LYN: variants seen among roughly 807,000 people sequenced by gnomAD.
LYN encodes the protein tyrosine-protein kinase Lyn.
Under a neutral mutation model 65.0 loss-of-function variants are expected in LYN, and 12 were observed. The observed-to-expected ratio is 0.18, with a 90% CI of 0.12 to 0.30. The LOEUF is 0.30. Ranked by LOEUF, LYN falls within the 10% of genes least tolerant of loss-of-function variation. The pLI is 1.00. For synonymous variants in LYN, 222 were observed against 221.2 expected (o/e 1.00, Z -0.03); for missense variants, 380 against 623.2 (o/e 0.61, Z 4.16).
At chr8:55,907,636 G>A (rs7815650) in intron 1 of LYN, among the ~76,000 whole-genome samples, 103,861 of 151,742 alleles carry the variant, frequency 0.68, 35,668 homozygotes, top group East Asian at 0.95. Flanking sequence ...AGAGACCCAC[G>A]TGGAAGGATT....
chr8:55,971,148 A>G (rs1259612932), intron 10 of LYN, among the ~76,000 whole-genome samples: 1 of 152,232 alleles, frequency 6.6e-6, no homozygotes, highest in Non-Finnish European at 1.5e-5. Context: ...CTGAAATGCC[A>G]ACATCTAATA....
rs56094668 is a variant in LYN, at chr8:55,941,970, G to A, written c.111G>A (p.Thr37=). The A allele has an allele frequency of 6.2e-6, 10 of 1,613,408 alleles. No individual in the cohort carries two copies. The East Asian group carries it at 1.1e-4, about 18-fold the overall frequency. The change falls in exon 2 of 13, where the codon ACG becomes ACA. Residue 37 remains threonine (T), a synonymous_variant. Transcript: ENST00000519728. ...TERTIYVRDP[T]SNKQQRPVPE... ...GAACTATTTATGTGAGAGATCCAAC[G>A]TCCAATAAACAGCAAAGGCCAGTAA...
intron 11 of LYN, among the ~76,000 whole-genome samples, 176 bp from the exon 12 acceptor site, chr8:55,999,242 C>T (rs1808454125): frequency 6.6e-6 from 1 of 152,064 alleles, no homozygotes; most frequent in Admixed American, 6.6e-5. Context: ...TTATTTTGAA[C>T]CTGGGAGGTG....
At chr8:55,967,099 C>T (rs143866436) in intron 9 of LYN, among the ~76,000 whole-genome samples, 1 of 151,470 alleles carries the variant, frequency 6.6e-6, no homozygotes, top group East Asian at 1.9e-4. Flanking sequence ...ATCTAATCCT[C>T]CTGTTTTCTC....
At chr8:55,908,032 A>C (rs937704242) in intron 1 of LYN, among the ~76,000 whole-genome samples, 1 of 152,190 alleles carries the variant, frequency 6.6e-6, no homozygotes, top group Non-Finnish European at 1.5e-5. Flanking sequence ...AAACTCCAAC[A>C]GTTCTAATGA....
Position 55,906,781 on chromosome 8 carries a change from G to A in LYN, c.-6+26678G>A, listed in dbSNP as rs183897534. Among the ~76,000 whole-genome samples the A allele has an allele frequency of 3.3e-5, 5 of 152,132 alleles. No homozygotes were observed. The East Asian group carries it at 7.7e-4, about 23-fold the overall frequency. On this transcript the variant is annotated intron_variant, in intron 1 of 12. Coordinates refer to ENST00000519728, the MANE Select transcript of LYN (RefSeq NM_002350.4). Reference sequence around the variant, plus strand: ...AGAGAAATAAATGAAATGTATCCCAGTTGAACAACAGTTGAGCTGAGGTGT... The same window carrying A: ...AGAGAAATAAATGAAATGTATCCCAATTGAACAACAGTTGAGCTGAGGTGT...
chr8:55,936,981 C>A (rs1049107113), intron 1 of LYN, among the ~76,000 whole-genome samples: 2 of 151,164 alleles, frequency 1.3e-5, no homozygotes, highest in Non-Finnish European at 3.0e-5. Flanking sequence ...TTCTACCCCC[C>A]ACGTCTTTTG....
intron 12 of LYN, among the ~76,000 whole-genome samples, chr8:56,005,463 C>T (rs1808646357): frequency 6.6e-6 from 1 of 152,196 alleles, no homozygotes; most frequent in Non-Finnish European, 1.5e-5. Flanking sequence ...CGCTGGCCTC[C>T]CTCCCTCATG....
At chr8:55,928,394 C>T (rs1427786658) in intron 1 of LYN, among the ~76,000 whole-genome samples, 1 of 152,206 alleles carries the variant, frequency 6.6e-6, no homozygotes, top group African/African-American at 2.4e-5. Flanking sequence ...GATCCGCCGA[C>T]CTTGGCCTCC....
At chr8:55,908,910 C>T (rs1486760749) in intron 1 of LYN, among the ~76,000 whole-genome samples, 1 of 149,870 alleles carries the variant, frequency 6.7e-6, no homozygotes, top group Non-Finnish European at 1.5e-5. Context: ...CTGCAAAATA[C>T]ATAATTTTAT....
At chr8:55,884,620 T>C (rs572485395) in intron 1 of LYN, among the ~76,000 whole-genome samples, 3 of 151,812 alleles carry the variant, frequency 2.0e-5, no homozygotes, top group Admixed American at 1.3e-4. Flanking sequence ...CATGCCTGGC[T>C]AATTTTTGTA....
intron 10 of LYN, 121 bp from the exon 11 acceptor site, chr8:55,998,225 A>C (rs955980982): frequency 1.0e-4 from 68 of 672,366 alleles, no homozygotes; most frequent in Non-Finnish European, 1.5e-4. Context: ...TTAAAAGCTG[A>C]ATGATCAAAA....
At position 55,993,859 on chromosome 8, in the gene LYN, C is replaced by T. The variant is rs572749154; in HGVS notation, c.1051-4487C>T. Among the ~76,000 whole-genome samples, 119 of 152,344 alleles carry T rather than the reference C, an allele frequency of 7.8e-4. 2 individuals are homozygous for T. Among genetic ancestry groups the T allele is most frequent in the Non-Finnish European group, 1.3e-3 (87 of 68,034 alleles). On this transcript the variant is annotated intron_variant, in intron 10 of 12. Transcript: ENST00000519728. ...TCCTCTTCTCATCAAGCTTGACCAA[C>T]TCCATGTAACTCCCACAGAAGTCAA... is the stretch of plus-strand genomic sequence containing the variant.
intron 2 of LYN, among the ~76,000 whole-genome samples, chr8:55,944,262 A>G (rs529596573): frequency 6.6e-5 from 10 of 152,242 alleles, no homozygotes; most frequent in Non-Finnish European, 1.5e-4. Flanking sequence ...TTAAAAACCT[A>G]TTACAGGCAG....
chr8:55,885,297 G>A (rs758632671), intron 1 of LYN, among the ~76,000 whole-genome samples: 29 of 152,224 alleles, frequency 1.9e-4, no homozygotes, highest in Non-Finnish European at 3.5e-4. Context: ...ACACTGGGAA[G>A]AAGTCTTCAC....
intron 3 of LYN, among the ~76,000 whole-genome samples, chr8:55,946,721 A>G (rs1457470678): frequency 1.3e-5 from 2 of 152,066 alleles, no homozygotes; most frequent in African/African-American, 2.4e-5. Flanking sequence ...CTCAAACTCC[A>G]TACCCATTAA....
At chr8:55,922,981 T>C (rs1260159249) in intron 1 of LYN, among the ~76,000 whole-genome samples, 1 of 152,086 alleles carries the variant, frequency 6.6e-6, no homozygotes, top group South Asian at 2.1e-4. Context: ...ATCTGCTCCA[T>C]GCCTTTCCGA....
At chr8:55,979,422 T>A (rs1807855406) in intron 10 of LYN, among the ~76,000 whole-genome samples, 1 of 152,194 alleles carries the variant, frequency 6.6e-6, no homozygotes, top group Non-Finnish European at 1.5e-5. Context: ...CTTAAATTAT[T>A]GGTTTTTAAA....
At chr8:55,888,892 T>A (rs1163907568) in intron 1 of LYN, among the ~76,000 whole-genome samples, 1 of 152,208 alleles carries the variant, frequency 6.6e-6, no homozygotes, top group Non-Finnish European at 1.5e-5. Context: ...GTTGGTATAA[T>A]GAAATGCGGC....
Sources: gnomAD v4.1 joint callset for allele counts (sites outside exome capture counted in the v4.1 genomes callset) on GRCh38, gnomAD v4.1.1 for gene constraint, MANE v1.5 for transcripts, NCBI Gene and HGNC (gene_info 2026-07-23, HGNC 2026-07-21) for gene names.